DDX6: variants seen among roughly 807,000 people sequenced by gnomAD.
DDX6 encodes probable ATP-dependent RNA helicase DDX6.
DDX6 carries 7 observed loss-of-function variants against 60.6 expected under a neutral mutation model. The ratio of observed to expected loss-of-function variants is 0.12; its 90% confidence interval spans 0.07 to 0.22. The LOEUF (loss-of-function observed/expected upper bound fraction) is 0.22, where lower values mean the gene tolerates loss of function less well. Among genes scored for constraint, DDX6 ranks in the 10% least tolerant of loss-of-function variants. DDX6 has a pLI of 1.00. For missense variants in DDX6, 270 were observed against 589.9 expected (o/e 0.46, Z 5.62); for synonymous variants, 207 against 201.0 (o/e 1.03, Z -0.25).
At position 118,751,794 on chromosome 11, in the gene DDX6, G is replaced by C. The variant is rs1452993466; in HGVS notation, c.*311C>G. The C allele has an allele frequency of 2.5e-5, 9 of 365,898 alleles. No homozygotes were observed. In the Admixed American group the frequency reaches 3.5e-4, roughly 14 times the overall value. 22.7% of individuals were successfully genotyped at this position (365,898 alleles called of 1,614,324 possible). The stretch of plus-strand genomic sequence containing the variant: ...GTTCATTAAGATTCTTCTCTTTTTA[G>C]GGTTTCTCCCCTTCTCTTCTTTCTT... On this transcript the variant is annotated 3_prime_UTR_variant, in exon 14 of 14. Transcript: ENST00000534980.
rs189787447 is a variant in DDX6, at chr11:118,752,337, G to C, written c.*8-240C>G. ...GGCAGCCCTCACTCGTAACAAATCC[G>C]GGGGAAAAAAATTAACCTTACACAA... On this transcript the variant is annotated intron_variant, in intron 13 of 13. Transcript: ENST00000534980. Among the ~76,000 whole-genome samples, 490 of 152,226 alleles carry C rather than the reference G, an allele frequency of 3.2e-3. 3 individuals carry two copies. The highest frequency in any genetic ancestry group is 5.4e-3 in the Non-Finnish European group (367 of 68,000).
intron 4 of DDX6, among the ~76,000 whole-genome samples, chr11:118,769,664 T>C (rs1591906135): frequency 3.2e-5 from 1 of 31,106 alleles, no homozygotes. Flanking sequence ...AATAGATCGT[T>C]GAAAAAGCTT....
chr11:118,758,932 G>C, intron 8 of DDX6, 30 bp from the exon 9 acceptor site: 2 of 1,611,536 alleles, frequency 1.2e-6, no homozygotes, highest in Non-Finnish European at 1.7e-6. Context: ...AAGATGAGTC[G>C]TCGTCTTAAA....
At chr11:118,781,656 G>A (rs1861904104) in intron 2 of DDX6, among the ~76,000 whole-genome samples, 1 of 152,192 alleles carries the variant, frequency 6.6e-6, no homozygotes, top group Non-Finnish European at 1.5e-5. Flanking sequence ...GGCCAGGCGT[G>A]GTGGCTCCCA....
In DDX6 at chr11:118,755,398, TC is replaced by T; in HGVS notation, c.1276+3del. On this transcript the variant is annotated splice_donor_region_variant and intron_variant, in intron 12 of 13. Coordinates refer to ENST00000534980, the MANE Select transcript of DDX6 (RefSeq NM_004397.6). ...ACCAAGAATATCACCTCTTTTTTCCTCACCTGATCTTCCAATACGATGGAGA... is the reference window on the plus strand; with the variant it reads ...ACCAAGAATATCACCTCTTTTTTCCTACCTGATCTTCCAATACGATGGAGA... 3 of 1,582,454 alleles carry T rather than the reference TC, an allele frequency of 1.9e-6. No homozygotes were observed. Among genetic ancestry groups the T allele is most frequent in the Non-Finnish European group, 2.6e-6 (3 of 1,153,102 alleles).
chr11:118,791,591 G>A (rs573054011), upstream of DDX6: 1 of 152,264 alleles, frequency 6.6e-6, no homozygotes, highest in African/African-American at 2.4e-5. Context: ...ACTGGCCCCC[G>A]GGCAGCTGCT....
At chr11:118,772,446 T>C (rs1221000281) in intron 4 of DDX6, among the ~76,000 whole-genome samples, 3 of 152,144 alleles carry the variant, frequency 2.0e-5, no homozygotes, top group Non-Finnish European at 4.4e-5. Flanking sequence ...ATGTCCAGAC[T>C]AGGCAAAGCT....
At position 118,784,502 on chromosome 11, in the gene DDX6, A is replaced by C. The variant is rs1031434985; in HGVS notation, c.200+1550T>G. ...GAGATGGAGTATTTCTCTGTTGCCC[A>C]GGCTGGAGTGCAGTGACACGATCTT... is the stretch of plus-strand genomic sequence containing the variant. On this transcript the variant is annotated intron_variant, in intron 2 of 13. Transcript: ENST00000534980. Among the ~76,000 whole-genome samples the C allele has an allele frequency of 3.3e-5, 5 of 150,154 alleles. No homozygotes were observed. The East Asian group carries it at 9.8e-4, about 29-fold the overall frequency.
At chr11:118,765,474 C>T (rs1402377000) in intron 5 of DDX6, 119 bp from the exon 6 acceptor site, 4 of 1,030,526 alleles carry the variant, frequency 3.9e-6, no homozygotes, top group African/African-American at 1.6e-5. Context: ...GATGCAGTGG[C>T]TCACACCTGT....
At chr11:118,760,186 C>A (rs1565563498) in intron 7 of DDX6, 142 bp from the exon 8 acceptor site, 1 of 804,900 alleles carries the variant, frequency 1.2e-6, no homozygotes, top group East Asian at 2.8e-5. Context: ...TTCTCTCCAA[C>A]ACTGCAGAGA....
At chr11:118,758,457 T>A (rs1468022065) in intron 9 of DDX6, among the ~76,000 whole-genome samples, 5 of 152,096 alleles carry the variant, frequency 3.3e-5, no homozygotes, top group African/African-American at 1.2e-4. Context: ...CACTGCAGCC[T>A]CCGCCTCCTG....
At chr11:118,773,318 C>T (rs1221998752) in intron 4 of DDX6, among the ~76,000 whole-genome samples, 1 of 151,992 alleles carries the variant, frequency 6.6e-6, no homozygotes, top group Admixed American at 6.6e-5. Context: ...GCCTGTAATC[C>T]CAACACTTTG....
intron 9 of DDX6, among the ~76,000 whole-genome samples, chr11:118,757,691 A>G (rs1399233346): frequency 6.6e-6 from 1 of 152,102 alleles, no homozygotes; most frequent in Non-Finnish European, 1.5e-5. Flanking sequence ...CCTGGGTTCA[A>G]ACAATTCTCC....
intron 4 of DDX6, among the ~76,000 whole-genome samples, chr11:118,772,775 G>A (rs1394875259): frequency 6.6e-6 from 1 of 152,124 alleles, no homozygotes; most frequent in Non-Finnish European, 1.5e-5. Context: ...AAGAGTATTT[G>A]TTGTGTTTTG....
Position 118,755,394 on chromosome 11 carries a change from T to A in DDX6, c.1276+8A>T. On this transcript the variant is annotated splice_region_variant and intron_variant, in intron 12 of 13. Transcript: ENST00000534980. ...TTCTACCAAGAATATCACCTCTTTT[T>A]TCCTCACCTGATCTTCCAATACGAT... The A allele has an allele frequency of 6.4e-7, 1 of 1,572,208 alleles. No homozygotes were observed. The highest frequency in any genetic ancestry group is 1.3e-5 in the African/African-American group (1 of 74,078).
intron 4 of DDX6, among the ~76,000 whole-genome samples, chr11:118,778,019 A>AT (rs1555163978): frequency 6.8e-6 from 1 of 147,726 alleles, no homozygotes; most frequent in Non-Finnish European, 1.5e-5. Flanking sequence ...TAGAATAATA[A>AT]TAAAAAAAAA....
At position 118,776,539 on chromosome 11, in the gene DDX6, A is replaced by G. The variant is rs142119863; in HGVS notation, c.369+3093T>C. Reference sequence around the variant, plus strand: ...CAGTTCCTACTGTAAAGGAACTCTCATAAGACCTCAGTGGGCCAGGTGTGT... The same window carrying G: ...CAGTTCCTACTGTAAAGGAACTCTCGTAAGACCTCAGTGGGCCAGGTGTGT... On this transcript the variant is annotated intron_variant, in intron 4 of 13. Transcript: ENST00000534980. 2.8e-3 allele frequency among the ~76,000 whole-genome samples: 419 copies of G among 152,310 alleles called. 1 individual carries two copies. Among genetic ancestry groups the G allele is most frequent in the Non-Finnish European group, 4.8e-3 (329 of 68,020 alleles).
rs1860678934 is a variant in DDX6 at position 118,749,443 on chromosome 11, A to T, written c.*2662T>A. ...ATTTAACAATTCCTATTCAAGAGTCAAGCACCAAAACTGGACAGCTGCCTC... is the reference window on the plus strand; with the variant it reads ...ATTTAACAATTCCTATTCAAGAGTCTAGCACCAAAACTGGACAGCTGCCTC... On this transcript the variant is annotated 3_prime_UTR_variant, in exon 14 of 14. Transcript: ENST00000534980. 6.7e-6 allele frequency: 1 copy of T among 150,180 alleles called. No individual in the cohort carries two copies. The highest frequency in any genetic ancestry group is 1.5e-5 in the Non-Finnish European group (1 of 67,662). 9.3% of individuals were successfully genotyped at this position (150,180 alleles called of 1,614,324 possible).
At chr11:118,759,868 G>C in intron 8 of DDX6, 54 bp downstream of exon 8, 1 of 1,553,004 alleles carries the variant, frequency 6.4e-7, no homozygotes. Context: ...ACAAATAAAA[G>C]CATACTCAAA....
Sources: gnomAD v4.1 joint callset for allele counts (sites outside exome capture counted in the v4.1 genomes callset) on GRCh38, gnomAD v4.1.1 for gene constraint, MANE v1.5 for transcripts, NCBI Gene and HGNC (gene_info 2026-07-23, HGNC 2026-07-21) for gene names.